Variants in ZBTB7C observed in about 807,000 individuals in gnomAD.
The protein encoded by ZBTB7C is zinc finger and BTB domain-containing protein 7C.
ZBTB7C carries 8 observed loss-of-function variants against 25.7 expected under a neutral mutation model. The ratio of observed to expected loss-of-function variants is 0.31; its 90% CI spans 0.18 to 0.56. The LOEUF (loss-of-function observed/expected upper bound fraction) is 0.56. Among genes scored for constraint, ZBTB7C ranks in the 20% least tolerant of loss-of-function variants. The pLI, the probability that ZBTB7C is intolerant of heterozygous loss-of-function variation, is 0.91. For missense variants in ZBTB7C, 824 were observed against 855.2 expected (o/e 0.96, Z 0.46); for synonymous variants, 394 against 369.0 (o/e 1.07, Z -0.78).
chr18:48,085,557 C>T (rs2038161513), intron 3 of ZBTB7C, among the ~76,000 whole-genome samples: 1 of 152,178 alleles, frequency 6.6e-6, no homozygotes, highest in South Asian at 2.1e-4. Flanking sequence ...CCTCAGTTTC[C>T]TCCTCTGTCA....
intron 3 of ZBTB7C, among the ~76,000 whole-genome samples, chr18:48,143,130 T>C (rs981647583): frequency 2.6e-5 from 4 of 152,086 alleles, no homozygotes; most frequent in African/African-American, 9.7e-5. Context: ...CTCATCTCAT[T>C]TGTTCCCCAC....
chr18:48,040,919 G>T lies in ZBTB7C; in HGVS notation c.189C>A (p.Phe63Leu), dbSNP rs757754058. The change falls in exon 4 of 5, where the codon TTC becomes TTA. Residue 63 changes from phenylalanine (F) to leucine (L), a missense_variant. Around this residue, in one of 4 missense-constraint regions of ZBTB7C, gnomAD observed 117 missense variants for 167.7 expected, o/e 0.70. Transcript: ENST00000590800. ...AACSKYFKKL[F>L]TAGTLASQPY... ...GCTGGCTGGCTAGGGTGCCGGCTGT[G>T]AAAAGCTTCTTGAAGTACTTGCTGC... 1 of 1,614,192 alleles carries T rather than the reference G, an allele frequency of 6.2e-7. No individual in the cohort carries two copies. Among genetic ancestry groups the T allele is most frequent in the Non-Finnish European group, 8.5e-7 (1 of 1,180,038 alleles).
At chr18:48,383,339 C>G (rs1354653011) in intron 1 of ZBTB7C, among the ~76,000 whole-genome samples, 2 of 152,176 alleles carry the variant, frequency 1.3e-5, no homozygotes, top group African/African-American at 4.8e-5. Flanking sequence ...GAACTCGGCT[C>G]ACTGCAGCCT....
intron 2 of ZBTB7C, among the ~76,000 whole-genome samples, chr18:48,186,348 G>T (rs368105426): frequency 6.6e-6 from 1 of 152,226 alleles, no homozygotes; most frequent in Non-Finnish European, 1.5e-5. Context: ...AACCCTGCGC[G>T]TGCAGCTCGG....
At chr18:48,080,352 C>G (rs150886124) in intron 3 of ZBTB7C, among the ~76,000 whole-genome samples, 262 of 152,286 alleles carry the variant, frequency 1.7e-3, no homozygotes, top group African/African-American at 6.1e-3. Context: ...TTCACTTGTA[C>G]CCTCTCATTT....
chr18:48,389,461 ATTTT>A lies in ZBTB7C; in HGVS notation c.-304+19761_-304+19764del, dbSNP rs138527928. Among the ~76,000 whole-genome samples the A allele has an allele frequency of 3.4e-3, 333 of 97,636 alleles. 1 individual carries two copies. The highest frequency in any genetic ancestry group is 0.018 in the Middle Eastern group (3 of 168). 64.1% of individuals were successfully genotyped at this position (97,636 alleles called of 152,430 possible). On this transcript the variant is annotated intron_variant, in intron 1 of 4. Transcript: ENST00000590800. ...GGCCCTTTACTTTCATGACTCTTGG[ATTTT>A]TTTTTTTTTTTTTTTTTGCATTTAA...
chr18:48,289,946 C>T (rs188939917), intron 2 of ZBTB7C, among the ~76,000 whole-genome samples: 7 of 152,186 alleles, frequency 4.6e-5, no homozygotes, highest in Middle Eastern at 6.8e-3. Context: ...TGAAAATAAA[C>T]GAATTTGATA....
chr18:48,359,385 C>T (rs2047052062), intron 1 of ZBTB7C, among the ~76,000 whole-genome samples: 1 of 152,190 alleles, frequency 6.6e-6, no homozygotes, highest in Admixed American at 6.5e-5. Context: ...TGACAGGGAA[C>T]ACTATTATAA....
At chr18:48,409,175 G>A (rs1304150102) in intron 1 of ZBTB7C, 51 bp downstream of exon 1, 2 of 148,174 alleles carry the variant, frequency 1.3e-5, no homozygotes, top group African/African-American at 5.0e-5. Context: ...GTGCTGTGGA[G>A]ATCGCGACCC....
intron 2 of ZBTB7C, among the ~76,000 whole-genome samples, chr18:48,243,180 C>T (rs1372801769): frequency 6.8e-6 from 1 of 146,084 alleles, no homozygotes; most frequent in East Asian, 2.2e-4. Flanking sequence ...ACAAGAACTG[C>T]TTGAACCTGG....
chr18:48,167,187 T>G (rs943447554), intron 3 of ZBTB7C, among the ~76,000 whole-genome samples: 12 of 152,174 alleles, frequency 7.9e-5, no homozygotes, highest in African/African-American at 2.9e-4. Flanking sequence ...GAATCTCCAC[T>G]TTGAAAGCTT....
intron 3 of ZBTB7C, among the ~76,000 whole-genome samples, chr18:48,094,023 C>T (rs1469864610): frequency 6.6e-6 from 1 of 152,172 alleles, no homozygotes. Flanking sequence ...CACGCCACTG[C>T]ACTCCAGCCT....
At chr18:48,404,486 G>A (rs546436826) in intron 1 of ZBTB7C, among the ~76,000 whole-genome samples, 2 of 152,282 alleles carry the variant, frequency 1.3e-5, no homozygotes, top group South Asian at 2.1e-4. Flanking sequence ...CAAGGGAGTG[G>A]CCTGGTCTGC....
chr18:48,089,653 G>C (rs1378859151), intron 3 of ZBTB7C, among the ~76,000 whole-genome samples: 1 of 152,100 alleles, frequency 6.6e-6, no homozygotes. Context: ...AAGAGGAATG[G>C]GGTAGGGCCT....
chr18:48,360,453 C>A (rs2047078581), intron 1 of ZBTB7C, among the ~76,000 whole-genome samples: 1 of 152,200 alleles, frequency 6.6e-6, no homozygotes, highest in African/African-American at 2.4e-5. Flanking sequence ...CATGCCACGA[C>A]AGATTTGAGG....
intron 2 of ZBTB7C, among the ~76,000 whole-genome samples, chr18:48,310,249 T>C (rs953642252): frequency 1.6e-4 from 25 of 151,934 alleles, no homozygotes; most frequent in African/African-American, 6.0e-4. Context: ...AAAAATTGGT[T>C]CCTATTTTTC....
At chr18:48,356,406 A>G (rs1407572627) in intron 1 of ZBTB7C, among the ~76,000 whole-genome samples, 2 of 152,184 alleles carry the variant, frequency 1.3e-5, no homozygotes, top group Admixed American at 6.5e-5. Flanking sequence ...GGGTGGTTAC[A>G]TTATTCAGCA....
In ZBTB7C at chr18:48,231,153, C is replaced by T. The variant is rs116210030; in HGVS notation, c.-78-45158G>A. 4.8e-3 allele frequency among the ~76,000 whole-genome samples: 736 copies of T among 152,242 alleles called. 3 individuals carry two copies. The highest frequency in any genetic ancestry group is 0.024 in the Middle Eastern group (7 of 292). On this transcript the variant is annotated intron_variant, in intron 2 of 4. Transcript: ENST00000590800. ...TTAATGGTAGCAGGAGGCAGACAGG[C>T]TCCTGGGTAAAAAGTGCAGGTCCCT...
chr18:48,115,906 A>G (rs2039421909), intron 3 of ZBTB7C, among the ~76,000 whole-genome samples: 1 of 152,080 alleles, frequency 6.6e-6, no homozygotes, highest in Non-Finnish European at 1.5e-5. Flanking sequence ...GGCGGGGCAT[A>G]CCATGGAGGA....
Sources: gnomAD v4.1 joint callset for allele counts (sites outside exome capture counted in the v4.1 genomes callset) on GRCh38, gnomAD v4.1.1 for gene constraint, gnomAD v4.1.1 regional missense constraint, MANE v1.5 for transcripts, NCBI Gene and HGNC (gene_info 2026-07-23, HGNC 2026-07-21) for gene names.